TBL1XR1: variants seen among roughly 807,000 people sequenced by gnomAD.
TBL1XR1 encodes the protein F-box-like/WD repeat-containing protein TBL1XR1.
In TBL1XR1, 5 loss-of-function variants were observed where a neutral mutation model predicts 66.9. The ratio of observed to expected loss-of-function variants is 0.07; its 90% CI spans 0.04 to 0.16. The LOEUF is 0.16. TBL1XR1 is among the 10% of genes least tolerant of loss of function. The pLI is 1.00. For synonymous variants in TBL1XR1, 210 were observed against 206.0 expected, an observed-to-expected ratio of 1.02 and a Z score of -0.17; for missense variants, 238 against 623.2, an observed-to-expected ratio of 0.38 and a Z score of 6.58.
chr3:177,050,970 T>C (rs747873819), intron 5 of TBL1XR1, among the ~76,000 whole-genome samples: 1 of 152,194 alleles, frequency 6.6e-6, no homozygotes, highest in African/African-American at 2.4e-5. Flanking sequence ...ATCATTCATA[T>C]AACATGAGTT....
At chr3:177,040,127 G>A (rs1715375298) in intron 10 of TBL1XR1, among the ~76,000 whole-genome samples, 1 of 152,140 alleles carries the variant, frequency 6.6e-6, no homozygotes, top group Non-Finnish European at 1.5e-5. Flanking sequence ...AGACCAGCCT[G>A]GGCAAGACAG....
At chr3:177,029,945 AT>A (rs1385347237) in intron 14 of TBL1XR1, among the ~76,000 whole-genome samples, 1 of 152,346 alleles carries the variant, frequency 6.6e-6, no homozygotes, top group East Asian at 1.9e-4. Context: ...CACCAGTCTG[AT>A]AACCTAAAGA....
intron 1 of TBL1XR1, among the ~76,000 whole-genome samples, chr3:177,132,597 G>A (rs1211821057): frequency 6.6e-6 from 1 of 152,100 alleles, no homozygotes; most frequent in Non-Finnish European, 1.5e-5. Context: ...AAATAAAACC[G>A]AATGATACGA....
chr3:177,066,018 T>C (rs1719114526), intron 2 of TBL1XR1, among the ~76,000 whole-genome samples: 1 of 152,218 alleles, frequency 6.6e-6, no homozygotes, highest in African/African-American at 2.4e-5. Flanking sequence ...GAGCTAGATT[T>C]GGTCCACAGA....
At chr3:177,096,626 G>A (rs548036361) in intron 2 of TBL1XR1, among the ~76,000 whole-genome samples, 1 of 152,234 alleles carries the variant, frequency 6.6e-6, no homozygotes, top group African/African-American at 2.4e-5. Context: ...AGAGTAACAG[G>A]TTTCAAATGT....
At chr3:177,195,532 G>A (rs1270933034) in intron 1 of TBL1XR1, 3 of 149,970 alleles carry the variant, frequency 2.0e-5, no homozygotes, top group Non-Finnish European at 3.0e-5. Flanking sequence ...AAATGAAAAT[G>A]AATCACACTG....
intron 1 of TBL1XR1, among the ~76,000 whole-genome samples, chr3:177,132,885 G>A (rs2108791925): frequency 6.6e-6 from 1 of 152,236 alleles, no homozygotes; most frequent in African/African-American, 2.4e-5. Flanking sequence ...TACTGTTCTT[G>A]ATGCCTGTAA....
At position 177,093,998 on chromosome 3, in the gene TBL1XR1, G is replaced by C. The variant is rs58509973; in HGVS notation, c.-46+4468C>G. ...ATGGGACTTAATTATTAACTAAAAAGCTTCTTCATAGCAAAAGGAACAATC... is the reference window on the plus strand; with the variant it reads ...ATGGGACTTAATTATTAACTAAAAACCTTCTTCATAGCAAAAGGAACAATC... On this transcript the variant is annotated intron_variant, in intron 2 of 15. Transcript: ENST00000457928. Among the ~76,000 whole-genome samples the C allele has an allele frequency of 9.5e-3, 1,452 of 152,230 alleles. 27 individuals carry two copies. Among genetic ancestry groups the C allele is most frequent in the African/African-American group, 0.033 (1,378 of 41,542 alleles).
chr3:177,054,073 T>TGTGTGTGTGTGTGC (rs145838308), intron 3 of TBL1XR1, among the ~76,000 whole-genome samples, 155 bp from the exon 4 acceptor site: 12 of 124,914 alleles, frequency 9.6e-5, no homozygotes, highest in African/African-American at 3.2e-4. Context: ...TGTGTGTGTG[T>TGTGTGTGTGTGTGC]GCGCGCGCGT....
intron 1 of TBL1XR1, among the ~76,000 whole-genome samples, chr3:177,169,520 T>C (rs1733214822): frequency 6.6e-6 from 1 of 152,198 alleles, no homozygotes; most frequent in Admixed American, 6.5e-5. Flanking sequence ...GCTACCATAT[T>C]AGAACATTTT....
rs561714452 is a variant in TBL1XR1, at chr3:177,020,471, A to G, written c.*5027T>C. The G allele has an allele frequency of 7.2e-5, 11 of 152,300 alleles. No individual in the cohort carries two copies. The highest frequency in any genetic ancestry group is 1.9e-4 in the African/African-American group (8 of 41,574). The allele number at this position is 152,300 out of a possible 1,614,324, so 9.4% of individuals were successfully genotyped here. On this transcript the variant is annotated 3_prime_UTR_variant, in exon 16 of 16. Transcript: ENST00000457928. ...TAATTTTATTATGGGCTTAAAGTATATATCTTGGGAAACAATACGTTTATG... is the reference window on the plus strand; with the variant it reads ...TAATTTTATTATGGGCTTAAAGTATGTATCTTGGGAAACAATACGTTTATG...
chr3:177,087,136 A>G (rs1314822891), intron 2 of TBL1XR1: 3 of 148,934 alleles, frequency 2.0e-5, no homozygotes, highest in African/African-American at 7.5e-5. Flanking sequence ...ACCAAGTAGA[A>G]GTGAACCCAC....
chr3:177,040,706 A>G (rs911332093), intron 10 of TBL1XR1, among the ~76,000 whole-genome samples: 1 of 152,190 alleles, frequency 6.6e-6, no homozygotes, highest in Non-Finnish European at 1.5e-5. Context: ...GCTAAAGACA[A>G]ATCAGGTAAG....
chr3:177,071,375 T>C (rs1401899529), intron 2 of TBL1XR1, among the ~76,000 whole-genome samples: 2 of 152,156 alleles, frequency 1.3e-5, no homozygotes, highest in East Asian at 3.9e-4. Flanking sequence ...CTACCCACAG[T>C]AATGTTTATG....
intron 3 of TBL1XR1, among the ~76,000 whole-genome samples, chr3:177,055,792 T>C (rs974409908): frequency 2.6e-5 from 4 of 152,164 alleles, no homozygotes; most frequent in East Asian, 1.9e-4. Flanking sequence ...AAATCATCCA[T>C]AGTAAAAACA....
At chr3:177,165,936 A>G (rs1732767307) in intron 1 of TBL1XR1, among the ~76,000 whole-genome samples, 1 of 151,382 alleles carries the variant, frequency 6.6e-6, no homozygotes, top group South Asian at 2.1e-4. Flanking sequence ...TATCTCCACA[A>G]AAAATTAGCT....
chr3:177,115,005 T>A (rs1000953706), intron 1 of TBL1XR1, among the ~76,000 whole-genome samples: 6 of 151,560 alleles, frequency 4.0e-5, no homozygotes, highest in African/African-American at 1.5e-4. Context: ...ATAATAATAA[T>A]AATAATGATT....
intron 1 of TBL1XR1, among the ~76,000 whole-genome samples, chr3:177,148,323 T>C (rs1476567653): frequency 6.6e-6 from 1 of 152,252 alleles, no homozygotes; most frequent in African/African-American, 2.4e-5. Flanking sequence ...TTTGTGGATA[T>C]TTCCACGTTC....
intron 1 of TBL1XR1, among the ~76,000 whole-genome samples, chr3:177,112,107 A>ATATATATATTTTTTTTT: frequency 2.7e-5 from 1 of 37,652 alleles, no homozygotes. Flanking sequence ...ATATATATAT[A>ATATATATATTTTTTTTT]TTTTTTTTTT....
Sources: gnomAD v4.1 joint callset for allele counts (sites outside exome capture counted in the v4.1 genomes callset) on GRCh38, gnomAD v4.1.1 for gene constraint, MANE v1.5 for transcripts, NCBI Gene and HGNC (gene_info 2026-07-23, HGNC 2026-07-21) for gene names.